The following PCLO variants were observed in gnomAD, a reference collection of about 807,000 sequenced individuals.
PCLO encodes piccolo presynaptic cytomatrix protein.
In PCLO, 82 loss-of-function variants were observed where a neutral mutation model predicts 427.5. The ratio of observed to expected loss-of-function variants is 0.19; its 90% confidence interval spans 0.16 to 0.23. The LOEUF is 0.23. Ranked by LOEUF, PCLO falls within the 10% of genes least tolerant of loss-of-function variation. The probability of loss-of-function intolerance (pLI) is 1.00; values close to 1 mark genes in which losing one functional copy is unlikely to be tolerated. For synonymous variants in PCLO, 2,357 were observed against 2,155.4 expected (o/e 1.09, Z -2.59); for missense variants, 6,239 against 6,115.9 (o/e 1.02, Z -0.67).
intron 3 of PCLO, among the ~76,000 whole-genome samples, chr7:83,133,562 C>T (rs1487512888): frequency 2.0e-5 from 3 of 151,982 alleles, no homozygotes; most frequent in Non-Finnish European, 4.4e-5. Flanking sequence ...TTAAAAAACC[C>T]TTCATGTTAG....
At chr7:83,019,046 T>A (rs1345695736) in intron 3 of PCLO, among the ~76,000 whole-genome samples, 1 of 152,022 alleles carries the variant, frequency 6.6e-6, no homozygotes, top group East Asian at 1.9e-4. Flanking sequence ...TTTGCTCACA[T>A]CCTACAAAGA....
chr7:82,813,099 A>T (rs1430154484), intron 20 of PCLO, among the ~76,000 whole-genome samples: 1 of 151,688 alleles, frequency 6.6e-6, no homozygotes, highest in African/African-American at 2.4e-5. Flanking sequence ...CATTTTGAAA[A>T]TTCATTAAAT....
Position 82,850,157 on chromosome 7 carries a change from C to T in PCLO, c.13655-2910G>A, listed in dbSNP as rs561363197. 4.1e-4 allele frequency among the ~76,000 whole-genome samples: 63 copies of T among 152,022 alleles called. No individual in the cohort carries two copies. In the South Asian group the frequency reaches 0.013, roughly 32 times the overall value. On this transcript the variant is annotated intron_variant, in intron 10 of 24. Transcript: ENST00000333891. Reference sequence around the variant, plus strand: ...CTGAGTAGCTGGGATTACAGGCACCCACCACCACACCCAGCTAGTTTTTGC... The same window carrying T: ...CTGAGTAGCTGGGATTACAGGCACCTACCACCACACCCAGCTAGTTTTTGC...
At chr7:82,776,790 ATCTCTCTCTTTC>A (rs1305540194) in intron 22 of PCLO, among the ~76,000 whole-genome samples, 20 of 149,790 alleles carry the variant, frequency 1.3e-4, no homozygotes, top group Admixed American at 2.7e-4. Context: ...GCGAGACTCC[ATCTCTCTCTTTC>A]TCTCTCTCTT....
At chr7:82,951,634 A>C (rs974733607) in intron 5 of PCLO, 144 bp from the exon 6 acceptor site, 3 of 863,132 alleles carry the variant, frequency 3.5e-6, no homozygotes, top group African/African-American at 3.4e-5. Flanking sequence ...GAATGAAAGC[A>C]ATGTTGAACA....
In PCLO at chr7:83,134,587, G is replaced by A; in HGVS notation, c.2963C>T (p.Pro988Leu). The change falls in exon 3 of 25, where the codon CCA becomes CTA. Residue 988 changes from proline (P) to leucine (L), a missense_variant. Transcript: ENST00000333891. ...CACAGGTATACTTTTTGCAGGTGCTGGTGGTGCTTGACCTGTGGATTTGGG... is the reference window on the plus strand; with the variant it reads ...CACAGGTATACTTTTTGCAGGTGCTAGTGGTGCTTGACCTGTGGATTTGGG... Reference protein sequence around the residue: ...GPPKSTGQAPPAPAKSIPVKK... With the variant: ...GPPKSTGQAPLAPAKSIPVKK... The A allele has an allele frequency of 6.2e-7, 1 of 1,613,874 alleles. No individual in the cohort carries two copies. The highest frequency in any genetic ancestry group is 8.5e-7 in the Non-Finnish European group (1 of 1,179,872).
chr7:82,806,075 T>A (rs1190776060), intron 20 of PCLO, among the ~76,000 whole-genome samples: 1 of 152,168 alleles, frequency 6.6e-6, no homozygotes, highest in Non-Finnish European at 1.5e-5. Context: ...CACATTTAAT[T>A]TTTAGACCAA....
chr7:83,009,603 T>C (rs918541896), intron 3 of PCLO, among the ~76,000 whole-genome samples: 22 of 151,882 alleles, frequency 1.4e-4, no homozygotes, highest in African/African-American at 5.1e-4. Context: ...CATTTGATAA[T>C]ATACAGAGAA....
chr7:83,131,682 A>G (rs1791576535), intron 3 of PCLO, among the ~76,000 whole-genome samples: 1 of 152,104 alleles, frequency 6.6e-6, no homozygotes, highest in Non-Finnish European at 1.5e-5. Flanking sequence ...GTATTTTCAG[A>G]ATGTCCCCTC....
Position 82,835,711 on chromosome 7 carries a change from G to A in PCLO, c.14223-18C>T, listed in dbSNP as rs1479690035. 1.2e-6 allele frequency: 2 copies of A among 1,605,066 alleles called. No individual in the cohort carries two copies. The highest frequency in any genetic ancestry group is 2.7e-5 in the African/African-American group (2 of 74,884). On this transcript the variant is annotated intron_variant, in intron 15 of 24. Transcript: ENST00000333891. ...TGACTTGACTGCATTGATTCCAAGA[G>A]CGAGAGTGAAGGGGTAAAACAGGAA...
chr7:82,968,185 A>ACC (rs1795821847), intron 3 of PCLO, among the ~76,000 whole-genome samples: 1 of 152,218 alleles, frequency 6.6e-6, no homozygotes, highest in Non-Finnish European at 1.5e-5. Flanking sequence ...AAATGTGGTA[A>ACC]AATGCTGCCA....
chr7:83,013,100 A>T (rs1788124951), intron 3 of PCLO, among the ~76,000 whole-genome samples: 1 of 152,166 alleles, frequency 6.6e-6, no homozygotes, highest in African/African-American at 2.4e-5. Flanking sequence ...ACATATATAC[A>T]TATATTTTCC....
intron 2 of PCLO, among the ~76,000 whole-genome samples, chr7:83,138,330 G>A (rs868639061): frequency 6.6e-6 from 1 of 151,990 alleles, no homozygotes; most frequent in African/African-American, 2.4e-5. Flanking sequence ...AATATTTATT[G>A]AGCACCTTCT....
chr7:83,072,664 G>A lies in PCLO; in HGVS notation c.3300+61586C>T, dbSNP rs548964787. 1.8e-4 allele frequency among the ~76,000 whole-genome samples: 27 copies of A among 152,032 alleles called. No individual in the cohort carries two copies. In the South Asian group the frequency reaches 2.1e-3, roughly 12 times the overall value. The stretch of plus-strand genomic sequence containing the variant: ...CCAAATTAAGATTTGTACCAGTTTC[G>A]TTCAGCTACAGCATTTTATAAGTCT... On this transcript the variant is annotated intron_variant, in intron 3 of 24. Coordinates refer to ENST00000333891, the MANE Select transcript of PCLO (RefSeq NM_033026.6).
chr7:82,858,683 C>A (rs1047257509), intron 10 of PCLO, among the ~76,000 whole-genome samples: 10 of 152,004 alleles, frequency 6.6e-5, no homozygotes, highest in African/African-American at 2.4e-4. Flanking sequence ...CACTGACAAA[C>A]TATCTGAAAA....
intron 3 of PCLO, among the ~76,000 whole-genome samples, chr7:83,039,349 CTTAT>C (rs1320124566): frequency 1.3e-5 from 2 of 151,962 alleles, no homozygotes; most frequent in Non-Finnish European, 2.9e-5. Context: ...AGTTTTAGCT[CTTAT>C]ATTTAAGTTT....
At position 83,008,439 on chromosome 7, in the gene PCLO, T is replaced by C. The variant is rs140439884; in HGVS notation, c.3301-41952A>G. ...CATGACACATTTATGTATTTTGTAA[T>C]TTAATATAAACCTAATCCTATAAGG... On this transcript the variant is annotated intron_variant, in intron 3 of 24. Coordinates refer to ENST00000333891, the MANE Select transcript of PCLO (RefSeq NM_033026.6). Among the ~76,000 whole-genome samples the C allele has an allele frequency of 5.5e-4, 84 of 151,876 alleles. 1 individual carries two copies. The East Asian group carries it at 0.014, about 25-fold the overall frequency.
chr7:83,061,660 T>C (rs1483454269), intron 3 of PCLO, among the ~76,000 whole-genome samples: 1 of 152,170 alleles, frequency 6.6e-6, no homozygotes, highest in African/African-American at 2.4e-5. Flanking sequence ...CTTTCTAGTA[T>C]AGGTAAGTTT....
chr7:82,937,789 A>T (rs117978568), intron 6 of PCLO, among the ~76,000 whole-genome samples: 1,676 of 151,976 alleles, frequency 0.011, 8 homozygotes, highest in Middle Eastern at 0.024. Flanking sequence ...TTCATGTTTC[A>T]TTAACAGAAT....
Sources: allele counts gnomAD v4.1 joint callset (sites outside exome capture counted in the v4.1 genomes callset), GRCh38; gene constraint gnomAD v4.1.1; transcripts MANE v1.5; gene names NCBI Gene and HGNC (gene_info 2026-07-23, HGNC 2026-07-21).